Variants in GIGYF2 observed in about 807,000 individuals in gnomAD.
GIGYF2 encodes the protein GRB10-interacting GYF protein 2.
In GIGYF2, 25 loss-of-function variants were observed where a neutral mutation model predicts 208.1. That is an observed-to-expected ratio of 0.12 (90% confidence interval 0.09 to 0.17). The LOEUF is 0.17. GIGYF2 is among the 10% of genes least tolerant of loss of function. The probability of loss-of-function intolerance (pLI) is 1.00; values close to 1 mark genes in which losing one functional copy is unlikely to be tolerated. For synonymous variants in GIGYF2, 534 were observed against 543.8 expected, an observed-to-expected ratio of 0.98 and a Z score of 0.25; for missense variants, 1,302 against 1,579.4, an observed-to-expected ratio of 0.82 and a Z score of 2.98.
chr2:232,736,001 T>G (rs1697718011), intron 3 of GIGYF2: 1 of 981,768 alleles, frequency 1.0e-6, no homozygotes, highest in Non-Finnish European at 1.2e-6. Context: ...AACTCTTGGT[T>G]GTTCAGGTGG....
chr2:232,777,516 A>G (rs2106349076), intron 8 of GIGYF2, among the ~76,000 whole-genome samples: 1 of 152,302 alleles, frequency 6.6e-6, no homozygotes, highest in African/African-American at 2.4e-5. Context: ...GTGATTGTTC[A>G]AAGTAAAATC....
chr2:232,793,620 G>T (rs192149245), intron 12 of GIGYF2, among the ~76,000 whole-genome samples: 12 of 152,266 alleles, frequency 7.9e-5, no homozygotes, highest in African/African-American at 2.9e-4. Context: ...TTGTGAATGA[G>T]GGACTGTAGC....
In GIGYF2 at chr2:232,791,036, A is replaced by T. The variant is rs1036888663; in HGVS notation, c.959A>T (p.Glu320Val). The T allele has an allele frequency of 6.8e-6, 11 of 1,614,046 alleles. No homozygotes were observed. The highest frequency in any genetic ancestry group is 9.3e-6 in the Non-Finnish European group (11 of 1,179,966). Residue 320 changes from glutamate (E) to valine (V), a missense_variant, in exon 11 of 29, where the codon GAG becomes GTG. Glu to Val is a moderately radical substitution (Grantham distance 121). Coordinates refer to ENST00000373563, the MANE Select transcript of GIGYF2 (RefSeq NM_001103146.3). ...KKVQKEPIPEEQEMDFRPVDE... is the reference protein window; with the variant it reads ...KKVQKEPIPEVQEMDFRPVDE... ...GTACAGAAAGAGCCTATTCCAGAAGAGCAGGAGATGGACTTCCGGCCTGTG... is the reference window on the plus strand; with the variant it reads ...GTACAGAAAGAGCCTATTCCAGAAGTGCAGGAGATGGACTTCCGGCCTGTG...
intron 21 of GIGYF2, among the ~76,000 whole-genome samples, chr2:232,826,229 C>T (rs999099161): frequency 2.6e-5 from 4 of 152,134 alleles, no homozygotes; most frequent in African/African-American, 4.8e-5. Flanking sequence ...GTAATGGGAT[C>T]GCTGGGTCAA....
At chr2:232,836,192 C>T (rs749155659) in intron 22 of GIGYF2, among the ~76,000 whole-genome samples, 1 of 143,326 alleles carries the variant, frequency 7.0e-6, no homozygotes, top group Non-Finnish European at 1.5e-5. Context: ...TTTGGGAGGC[C>T]GAGGCTGGTG....
At chr2:232,735,818 G>A (rs879424456) in intron 3 of GIGYF2, 1 of 985,404 alleles carries the variant, frequency 1.0e-6, no homozygotes, top group South Asian at 4.7e-5. Flanking sequence ...CCATCACATT[G>A]TAGTGTGGCT....
chr2:232,768,202 G>A, intron 8 of GIGYF2: 1 of 1,614,038 alleles, frequency 6.2e-7, no homozygotes, highest in East Asian at 2.2e-5. Flanking sequence ...TATTCTGTCA[G>A]TCCTGTTTCA....
intron 21 of GIGYF2, among the ~76,000 whole-genome samples, chr2:232,824,783 A>G (rs767438549): frequency 6.6e-5 from 10 of 152,356 alleles, no homozygotes; most frequent in Non-Finnish European, 8.8e-5. Flanking sequence ...ATTATCTAGG[A>G]CTTTCATAGC....
At chr2:232,802,139 T>C (rs939496472) in intron 14 of GIGYF2, among the ~76,000 whole-genome samples, 1 of 149,632 alleles carries the variant, frequency 6.7e-6, no homozygotes, top group Non-Finnish European at 1.5e-5. Flanking sequence ...TTGCTGAATT[T>C]ATTTTTTACT....
chr2:232,779,627 T>C (rs1699643827), intron 8 of GIGYF2, among the ~76,000 whole-genome samples: 1 of 152,200 alleles, frequency 6.6e-6, no homozygotes, highest in African/African-American at 2.4e-5. Context: ...AGGCAGCCTC[T>C]GGGTATGTAC....
chr2:232,812,451 C>A lies in GIGYF2; in HGVS notation c.2067C>A (p.Gly689=). The A allele has an allele frequency of 6.4e-7, 1 of 1,553,024 alleles. No individual in the cohort carries two copies. Among genetic ancestry groups the A allele is most frequent in the Non-Finnish European group, 8.9e-7 (1 of 1,124,782 alleles). The change falls in exon 18 of 29, where the codon GGC becomes GGA. Residue 689 remains glycine, a synonymous_variant. Coordinates refer to ENST00000373563, the MANE Select transcript of GIGYF2 (RefSeq NM_001103146.3). ...GGTCTGTGTCCGTGCCAGATACTGGCTCTATCTGGGAGCTTCAGCCAACAG... is the reference window on the plus strand; with the variant it reads ...GGTCTGTGTCCGTGCCAGATACTGGATCTATCTGGGAGCTTCAGCCAACAG... The part of the protein sequence containing the change: ...VTRSVSVPDT[G]SIWELQPTAS...
intron 2 of GIGYF2, chr2:232,730,080 G>T: frequency 8.6e-7 from 1 of 1,167,988 alleles, no homozygotes; most frequent in Non-Finnish European, 1.3e-6. Flanking sequence ...GCCAGATGCT[G>T]CTTCAAATAC....
chr2:232,845,009 C>G (rs1415289648), intron 25 of GIGYF2, among the ~76,000 whole-genome samples: 1 of 152,072 alleles, frequency 6.6e-6, no homozygotes, highest in African/African-American at 2.4e-5. Context: ...ACATTTTCAT[C>G]TTCATCTTTC....
Position 232,797,489 on chromosome 2 carries a change from TTGTG to T in GIGYF2, c.1639+1302_1639+1305del, listed in dbSNP as rs67221198. Among the ~76,000 whole-genome samples the T allele has an allele frequency of 3.4e-3, 491 of 145,086 alleles. 3 individuals carry two copies. Among genetic ancestry groups the T allele is most frequent in the Admixed American group, 0.02 (284 of 14,482 alleles). ...CTGGTAAGATACACGAGAGCAGGGCTTGTGTGTGTGTGTGTGTGTGTGTGTGTGT... is the reference window on the plus strand; with the variant it reads ...CTGGTAAGATACACGAGAGCAGGGCTTGTGTGTGTGTGTGTGTGTGTGTGT... On this transcript the variant is annotated intron_variant, in intron 14 of 28. Transcript: ENST00000373563.
intron 8 of GIGYF2, chr2:232,765,749 G>A (rs1698930534): frequency 3.0e-6 from 1 of 328,000 alleles, no homozygotes; most frequent in Admixed American, 4.0e-5. Context: ...TGAAGTACTT[G>A]TTAATAGACA....
intron 22 of GIGYF2, among the ~76,000 whole-genome samples, chr2:232,834,173 G>A (rs1264537795): frequency 6.6e-6 from 1 of 152,148 alleles, no homozygotes; most frequent in East Asian, 1.9e-4. Context: ...GGTCTGCAGT[G>A]CGCAGTAAGG....
intron 14 of GIGYF2, among the ~76,000 whole-genome samples, chr2:232,800,814 G>A (rs577422883): frequency 4.5e-4 from 68 of 152,086 alleles, no homozygotes; most frequent in African/African-American, 1.6e-3. Context: ...TCCTTGGGAG[G>A]CTGAGACCAG....
intron 27 of GIGYF2, among the ~76,000 whole-genome samples, chr2:232,847,910 A>G (rs1702075901): frequency 6.6e-6 from 1 of 152,204 alleles, no homozygotes; most frequent in African/African-American, 2.4e-5. Context: ...TCCAGTGTTC[A>G]GGATGCACTG....
chr2:232,758,052 A>G (rs558596955), intron 6 of GIGYF2, among the ~76,000 whole-genome samples: 2 of 152,330 alleles, frequency 1.3e-5, no homozygotes, highest in Admixed American at 6.5e-5. Context: ...TACTTTTAAC[A>G]TTATCTCAAC....
Sources: allele counts gnomAD v4.1 joint callset (sites outside exome capture counted in the v4.1 genomes callset), GRCh38; gene constraint gnomAD v4.1.1; transcripts MANE v1.5; gene names NCBI Gene and HGNC (gene_info 2026-07-23, HGNC 2026-07-21).